ABCC2: variants seen among roughly 807,000 people sequenced by gnomAD.
ABCC2 encodes the protein ATP-binding cassette sub-family C member 2.
A neutral mutation model predicts 173.4 loss-of-function variants in ABCC2; 157 were observed. The ratio of observed to expected loss-of-function variants is 0.91; its 90% CI spans 0.80 to 1.03. The LOEUF is 1.03. ABCC2 is among the 50% of genes least tolerant of loss of function. ABCC2 has a pLI of 0.00. For synonymous variants in ABCC2, 657 were observed against 693.5 expected (o/e 0.95, Z 0.83); for missense variants, 1,822 against 1,852.3 (o/e 0.98, Z 0.30).
chr10:99,793,525 A>G (rs774519270), intron 3 of ABCC2, 26 bp from the exon 4 acceptor site: 16 of 1,613,822 alleles, frequency 9.9e-6, no homozygotes, highest in Non-Finnish European at 1.4e-5. Flanking sequence ...AGTATTCTTC[A>G]GAACATCATG....
chr10:99,848,066 A>G (rs2039043076), intron 30 of ABCC2, among the ~76,000 whole-genome samples: 1 of 152,216 alleles, frequency 6.6e-6, no homozygotes, highest in African/African-American at 2.4e-5. Context: ...GCCTGGTCCA[A>G]TCCTAGAGTC....
Position 99,820,250 on chromosome 10 carries a change from G to A in ABCC2, c.2620+981G>A, listed in dbSNP as rs1367133352. ...CTACTAAAAATACAAAATTAGCTGG[G>A]CATGGTGGCACATGCCTGTAATCCC... On this transcript the variant is annotated intron_variant, in intron 19 of 31. Coordinates refer to ENST00000647814, the MANE Select transcript of ABCC2 (RefSeq NM_000392.5). 3.3e-5 allele frequency among the ~76,000 whole-genome samples: 5 copies of A among 152,170 alleles called. No individual in the cohort carries two copies. The East Asian group carries it at 9.6e-4, about 29-fold the overall frequency.
At chr10:99,787,474 C>T (rs538611143) in intron 2 of ABCC2, among the ~76,000 whole-genome samples, 2 of 151,948 alleles carry the variant, frequency 1.3e-5, no homozygotes, top group South Asian at 2.1e-4. Context: ...GACGGAGTCT[C>T]GTTCTGTCGC....
In ABCC2 at chr10:99,807,381, T is replaced by A; in HGVS notation, c.1531-3T>A. 1 of 1,614,116 alleles carries A rather than the reference T, an allele frequency of 6.2e-7. No homozygotes were observed. Among genetic ancestry groups the A allele is most frequent in the Non-Finnish European group, 8.5e-7 (1 of 1,179,986 alleles). On this transcript the variant is annotated splice_region_variant and splice_polypyrimidine_tract_variant and intron_variant, in intron 11 of 31. Coordinates refer to ENST00000647814, the MANE Select transcript of ABCC2 (RefSeq NM_000392.5). ...TGAGCTGTATTTTTTTTCAACTTAT[T>A]AGATCCTGAAATATTTTGCCTGGGA... is the stretch of plus-strand genomic sequence containing the variant.
At chr10:99,821,843 C>A (rs531009111) in intron 19 of ABCC2, among the ~76,000 whole-genome samples, 1 of 151,886 alleles carries the variant, frequency 6.6e-6, no homozygotes, top group Non-Finnish European at 1.5e-5. Context: ...CATCATGGCC[C>A]GTTCTCGATG....
At position 99,793,580 on chromosome 10, in the gene ABCC2, AC is replaced by A; in HGVS notation, c.364del (p.Gln122AsnfsTer29). On this transcript the variant is annotated frameshift_variant, in exon 4 of 32. Coordinates refer to ENST00000647814, the MANE Select transcript of ABCC2 (RefSeq NM_000392.5). LOFTEE classifies it high-confidence loss of function. ...LLVLLIQYSR[Q>X]WCVQKNSWFL... The stretch of plus-strand genomic sequence containing the variant: ...TGGTTTTGCTGATCCAATACAGCAG[AC>A]AATGGTGTGTACAGAAAAACTCCTG... 1.2e-6 allele frequency: 2 copies of A among 1,614,140 alleles called. No homozygotes were observed. Among genetic ancestry groups the A allele is most frequent in the Non-Finnish European group, 1.7e-6 (2 of 1,179,992 alleles).
chr10:99,830,811 G>C lies in ABCC2; in HGVS notation c.2843G>C (p.Gly948Ala). 6.2e-7 allele frequency: 1 copy of C among 1,614,098 alleles called. No individual in the cohort carries two copies. The highest frequency in any genetic ancestry group is 1.1e-5 in the South Asian group (1 of 91,086). The change falls in exon 21 of 32, where the codon GGA (glycine) becomes GCA (alanine). Residue 948 changes from glycine (G) to alanine (A), a missense_variant. Transcript: ENST00000647814. ...AAGGAAGACGAAGAACTAGTGAAAG[G>C]ACAAAAACTAATTAAGAAGGAATTC... Reference protein sequence around the residue: ...SLKEDEELVKGQKLIKKEFIE... With the variant: ...SLKEDEELVKAQKLIKKEFIE...
intron 2 of ABCC2, among the ~76,000 whole-genome samples, chr10:99,791,345 T>C (rs1420782194): frequency 6.6e-6 from 1 of 152,060 alleles, no homozygotes; most frequent in Non-Finnish European, 1.5e-5. Context: ...AAGGTGGAGG[T>C]TGCCGTGAGC....
rs1389548024 is a variant in ABCC2 at position 99,813,256 on chromosome 10, A to T, written c.2094+112A>T. 19 of 1,371,586 alleles carry T rather than the reference A, an allele frequency of 1.4e-5. No individual in the cohort carries two copies. The Admixed American group carries it at 2.8e-4, about 20-fold the overall frequency. The allele number at this position is 1,371,586 out of a possible 1,614,324, so 85.0% of individuals were successfully genotyped here. On this transcript the variant is annotated intron_variant, in intron 16 of 31. Coordinates refer to ENST00000647814, the MANE Select transcript of ABCC2 (RefSeq NM_000392.5). Reference sequence around the variant, plus strand: ...GGCTAGTAGGTGAGGTCTTGGAGACATCCGATAGATTTGTGGACTGTGATT... The same window carrying T: ...GGCTAGTAGGTGAGGTCTTGGAGACTTCCGATAGATTTGTGGACTGTGATT...
rs2133026287 is a variant in ABCC2, at chr10:99,806,131, A to C, written c.1530+684A>C. On this transcript the variant is annotated intron_variant, in intron 11 of 31. Transcript: ENST00000647814. ...TGTGTGTCTTGGTCATTCCAAAAAA[A>C]CTAGGTTATTTGTCCTATTTCCTGT... Among the ~76,000 whole-genome samples, 3 of 148,678 alleles carry C rather than the reference A, an allele frequency of 2.0e-5. No individual in the cohort carries two copies. In the South Asian group the frequency reaches 6.3e-4, roughly 31 times the overall value.
At chr10:99,844,048 C>T in intron 27 of ABCC2, 148 bp downstream of exon 27, 1 of 823,182 alleles carries the variant, frequency 1.2e-6, no homozygotes, top group East Asian at 2.5e-5. Flanking sequence ...GACCTAATTT[C>T]TTCAAACTTA....
In ABCC2 at chr10:99,830,779, T is replaced by C; in HGVS notation, c.2811T>C (p.Asn937=). ...ACTCCTTGAAAACTCGGAATGTGAA[T>C]AGCCTGAAGGAAGACGAAGAACTAG... is the stretch of plus-strand genomic sequence containing the variant. ...LRNSLKTRNV[N]SLKEDEELVK... The change falls in exon 21 of 32, where the codon AAT becomes AAC. Residue 937 remains asparagine (N), a synonymous_variant. Transcript: ENST00000647814. The C allele has an allele frequency of 5.6e-6, 9 of 1,614,042 alleles. No individual in the cohort carries two copies. Among genetic ancestry groups the C allele is most frequent in the Non-Finnish European group, 7.6e-6 (9 of 1,179,994 alleles).
In ABCC2 at chr10:99,797,281, C is replaced by T. The variant is rs368116041; in HGVS notation, c.817C>T (p.Leu273=). 205 of 1,613,920 alleles carry T rather than the reference C, an allele frequency of 1.3e-4. No individual in the cohort carries two copies. The highest frequency in any genetic ancestry group is 1.6e-4 in the Non-Finnish European group (191 of 1,179,932). ...CTCCCAGCAGAACTCTGGAGCCAGG[C>T]TGCCTGGCTTGAACAAGAATCAGAG... The part of the protein sequence containing the change: ...KSSQQNSGAR[L]PGLNKNQSQS... The change falls in exon 7 of 32, where the codon CTG becomes TTG. Residue 273 remains leucine, a synonymous_variant. Coordinates refer to ENST00000647814, the MANE Select transcript of ABCC2 (RefSeq NM_000392.5).
chr10:99,837,033 G>A (rs538058663), intron 25 of ABCC2, among the ~76,000 whole-genome samples: 2 of 152,072 alleles, frequency 1.3e-5, no homozygotes, highest in East Asian at 1.9e-4. Context: ...AGGCATATAA[G>A]TAAATCTTAT....
chr10:99,845,930 C>CA lies in ABCC2; in HGVS notation c.4146+149dup, dbSNP rs1412822718. On this transcript the variant is annotated intron_variant, in intron 29 of 31. Transcript: ENST00000647814. ...ACTTGAGCTAGTTCCCTAGGATGGA[C>CA]ACGTCATTTCCAGAACTTTGAAATG... 19 of 913,674 alleles carry CA rather than the reference C, an allele frequency of 2.1e-5. No homozygotes were observed. In the Middle Eastern group the frequency reaches 9.8e-4, roughly 47 times the overall value. The allele number at this position is 913,674 out of a possible 1,614,324, so 56.6% of individuals were successfully genotyped here. A position where few individuals can be genotyped will look rare whatever the true frequency, so the allele number is the denominator to read the frequency against.
At chr10:99,841,907 T>G in intron 25 of ABCC2, 60 bp from the exon 26 acceptor site, 1 of 1,613,180 alleles carries the variant, frequency 6.2e-7, no homozygotes, top group Non-Finnish European at 8.5e-7. Context: ...ACGCCAAGGT[T>G]GCTGGTTAAG....
rs2038751243 is a variant in ABCC2 at position 99,832,095 on chromosome 10, A to G, written c.3222A>G (p.Thr1074=). 2 of 1,614,060 alleles carry G rather than the reference A, an allele frequency of 1.2e-6. No individual in the cohort carries two copies. The highest frequency in any genetic ancestry group is 1.7e-5 in the Admixed American group (1 of 60,010). The part of the protein sequence containing the change: ...ILRAPMRFFD[T]TPTGRIVNRF... ...GAGCACCTATGAGATTTTTTGACAC[A>G]ACACCCACAGGCCGGATTGTGAACA... Residue 1074 remains threonine (T), a synonymous_variant, in exon 23 of 32, where the codon ACA becomes ACG. Coordinates refer to ENST00000647814, the MANE Select transcript of ABCC2 (RefSeq NM_000392.5).
chr10:99,832,245 C>T (rs1248138304), intron 23 of ABCC2, 114 bp downstream of exon 23: 27 of 1,356,612 alleles, frequency 2.0e-5, no homozygotes, highest in Non-Finnish European at 2.8e-5. Flanking sequence ...TCTTTTGTCA[C>T]TCAACATGCA....
Position 99,844,345 on chromosome 10 carries a change from G to T in ABCC2, c.3867G>T (p.Arg1289Ser), listed in dbSNP as rs371697049. The T allele has an allele frequency of 1.9e-5, 30 of 1,614,056 alleles. No homozygotes were observed. Among genetic ancestry groups the T allele is most frequent in the Non-Finnish European group, 2.5e-5 (29 of 1,180,038 alleles). The change falls in exon 28 of 32, where the codon AGG becomes AGT. Residue 1289 changes from arginine to serine, a missense_variant. Coordinates refer to ENST00000647814, the MANE Select transcript of ABCC2 (RefSeq NM_000392.5). ...AGGCACCCTGGGTGACTGATAAGAG[G>T]CCTCCGCCAGATTGGCCCAGCAAAG... is the stretch of plus-strand genomic sequence containing the variant. The part of the protein sequence containing the change: ...ENEAPWVTDK[R>S]PPPDWPSKGK...
Sources: allele counts gnomAD v4.1 joint callset (sites outside exome capture counted in the v4.1 genomes callset), GRCh38; gene constraint gnomAD v4.1.1; transcripts MANE v1.5; gene names NCBI Gene and HGNC (gene_info 2026-07-23, HGNC 2026-07-21).